Variants in ARHGAP15 observed in about 807,000 individuals in gnomAD.
ARHGAP15 encodes the protein rho GTPase-activating protein 15.
A neutral mutation model predicts 63.7 loss-of-function variants in ARHGAP15; 51 were observed. The observed-to-expected ratio is 0.80, with a 90% CI of 0.64 to 1.01. ARHGAP15 has a LOEUF of 1.01. Ranked by LOEUF, ARHGAP15 falls within the 50% of genes least tolerant of loss-of-function variation. The pLI, the probability that ARHGAP15 is intolerant of heterozygous loss-of-function variation, is 0.00. For missense variants in ARHGAP15, 560 were observed against 564.6 expected, an observed-to-expected ratio of 0.99 and a Z score of 0.08; for synonymous variants, 191 against 193.8, an observed-to-expected ratio of 0.99 and a Z score of 0.12.
chr2:143,216,365 A>G lies in ARHGAP15; in HGVS notation c.235-19A>G, dbSNP rs376145762. The G allele has an allele frequency of 2.5e-6, 4 of 1,595,712 alleles. No individual in the cohort carries two copies. The highest frequency in any genetic ancestry group is 1.7e-6 in the Non-Finnish European group (2 of 1,166,250). On this transcript the variant is annotated intron_variant, in intron 3 of 13. Transcript: ENST00000295095. ...CATAGTAGTTTGTCACGGTTTTAACATATGCATTCTTCTTGCAGATGGTTG... is the reference window on the plus strand; with the variant it reads ...CATAGTAGTTTGTCACGGTTTTAACGTATGCATTCTTCTTGCAGATGGTTG...
At chr2:143,385,828 G>C (rs1687266276) in intron 6 of ARHGAP15, among the ~76,000 whole-genome samples, 2 of 152,028 alleles carry the variant, frequency 1.3e-5, no homozygotes. Context: ...CATTGATCTA[G>C]ATTTTTTAGG....
chr2:143,486,953 C>T (rs944911504), intron 8 of ARHGAP15, among the ~76,000 whole-genome samples: 4 of 152,100 alleles, frequency 2.6e-5, no homozygotes, highest in African/African-American at 7.2e-5. Context: ...CAAGCAGGAC[C>T]TCCAGAAATG....
intron 8 of ARHGAP15, among the ~76,000 whole-genome samples, chr2:143,470,201 G>GAA (rs1691451069): frequency 6.7e-6 from 1 of 149,454 alleles, no homozygotes; most frequent in Non-Finnish European, 1.5e-5. Flanking sequence ...TTTTCTTTAA[G>GAA]AAAGAGCTCA....
intron 10 of ARHGAP15, among the ~76,000 whole-genome samples, chr2:143,541,975 G>C (rs1194259375): frequency 3.3e-5 from 5 of 152,222 alleles, no homozygotes; most frequent in Non-Finnish European, 7.3e-5. Context: ...GCCCCCAGAG[G>C]TGGAGCCTAC....
At chr2:143,387,822 T>TAC (rs941919734) in intron 6 of ARHGAP15, among the ~76,000 whole-genome samples, 2 of 151,014 alleles carry the variant, frequency 1.3e-5, no homozygotes, top group East Asian at 4.0e-4. Flanking sequence ...AGAATACACA[T>TAC]ACACACACAC....
chr2:143,248,128 G>GGA (rs1694115981), intron 5 of ARHGAP15, among the ~76,000 whole-genome samples: 1 of 152,030 alleles, frequency 6.6e-6, no homozygotes, highest in Non-Finnish European at 1.5e-5. Context: ...ATTTCAGTTA[G>GGA]GAGGAGGGCT....
intron 10 of ARHGAP15, among the ~76,000 whole-genome samples, chr2:143,542,903 TAAC>T (rs1044236946): frequency 2.7e-5 from 4 of 147,032 alleles, no homozygotes; most frequent in African/African-American, 9.9e-5. Flanking sequence ...TCATATATAA[TAAC>T]ATATGATATA....
intron 11 of ARHGAP15, chr2:143,608,700 C>A (rs1698137135): frequency 6.6e-6 from 1 of 152,096 alleles, no homozygotes; most frequent in Non-Finnish European, 1.5e-5. Context: ...AAATAAATAA[C>A]CCTGGTTGTA....
chr2:143,550,275 A>T (rs1005543862), intron 10 of ARHGAP15, among the ~76,000 whole-genome samples: 2 of 152,244 alleles, frequency 1.3e-5, no homozygotes, highest in African/African-American at 4.8e-5. Flanking sequence ...AAAGTAAAAG[A>T]TTATGAAACT....
intron 8 of ARHGAP15, among the ~76,000 whole-genome samples, chr2:143,482,892 A>T (rs566902830): frequency 5.8e-4 from 88 of 152,332 alleles, no homozygotes; most frequent in African/African-American, 2.0e-3. Context: ...GAACAAAATG[A>T]GTGGAATGAA....
At chr2:143,154,558 A>G (rs1690005448) in intron 1 of ARHGAP15, among the ~76,000 whole-genome samples, 1 of 151,948 alleles carries the variant, frequency 6.6e-6, no homozygotes, top group Non-Finnish European at 1.5e-5. Flanking sequence ...GGAGACAAGA[A>G]TCAGACAAGA....
chr2:143,332,684 C>T (rs1239115670), intron 6 of ARHGAP15, among the ~76,000 whole-genome samples: 13 of 152,032 alleles, frequency 8.6e-5, no homozygotes, highest in Non-Finnish European at 1.3e-4. Flanking sequence ...TTAGAGGTTA[C>T]GCCGATTGCT....
At chr2:143,440,519 C>CT (rs1047631859) in intron 8 of ARHGAP15, among the ~76,000 whole-genome samples, 41 of 152,242 alleles carry the variant, frequency 2.7e-4, no homozygotes, top group African/African-American at 8.9e-4. Context: ...GCCAGAATTA[C>CT]TTTTTTAAAA....
chr2:143,528,463 TTAAAA>T (rs1451225386), intron 10 of ARHGAP15, among the ~76,000 whole-genome samples: 1 of 152,064 alleles, frequency 6.6e-6, no homozygotes, highest in African/African-American at 2.4e-5. Flanking sequence ...TGTCCAATAA[TTAAAA>T]TAAGAAATAT....
intron 6 of ARHGAP15, among the ~76,000 whole-genome samples, chr2:143,326,175 G>A (rs1469766906): frequency 6.6e-6 from 1 of 152,134 alleles, no homozygotes; most frequent in African/African-American, 2.4e-5. Flanking sequence ...GGGAACTTAT[G>A]CTATGAGTGA....
intron 2 of ARHGAP15, among the ~76,000 whole-genome samples, chr2:143,160,315 A>G (rs964204845): frequency 3.3e-5 from 5 of 151,902 alleles, no homozygotes; most frequent in African/African-American, 1.2e-4. Flanking sequence ...TATCTCATCA[A>G]TGTAAGGACA....
chr2:143,467,879 T>A (rs1465210206), intron 8 of ARHGAP15, among the ~76,000 whole-genome samples: 2 of 152,160 alleles, frequency 1.3e-5, no homozygotes, highest in East Asian at 3.8e-4. Flanking sequence ...TACTATATAA[T>A]CATTGTTTCC....
At chr2:143,607,242 G>C (rs1030089890) in intron 11 of ARHGAP15, among the ~76,000 whole-genome samples, 2 of 152,130 alleles carry the variant, frequency 1.3e-5, no homozygotes, top group South Asian at 4.1e-4. Flanking sequence ...AACTCAAAAA[G>C]AGGCTGGAGA....
At chr2:143,168,753 A>C (rs1372676687) in intron 2 of ARHGAP15, among the ~76,000 whole-genome samples, 1 of 152,038 alleles carries the variant, frequency 6.6e-6, no homozygotes, top group Non-Finnish European at 1.5e-5. Flanking sequence ...ACAAAATTTA[A>C]ATCAACTTCG....
Sources: allele counts gnomAD v4.1 joint callset (sites outside exome capture counted in the v4.1 genomes callset), GRCh38; gene constraint gnomAD v4.1.1; transcripts MANE v1.5; gene names NCBI Gene and HGNC (gene_info 2026-07-23, HGNC 2026-07-21).